ADAMTS12: variants seen among roughly 807,000 people sequenced by gnomAD.
The protein encoded by ADAMTS12 is A disintegrin and metalloproteinase with thrombospondin motifs 12.
In ADAMTS12, 118 loss-of-function variants were observed where a neutral mutation model predicts 167.8. The ratio of observed to expected loss-of-function variants is 0.70; its 90% CI spans 0.61 to 0.82. The LOEUF (loss-of-function observed/expected upper bound fraction) is 0.82. ADAMTS12 is among the 40% of genes least tolerant of loss of function. ADAMTS12 has a pLI of 0.00. For synonymous variants in ADAMTS12, 704 were observed against 716.9 expected (o/e 0.98, Z 0.29); for missense variants, 1,916 against 1,998.8 (o/e 0.96, Z 0.79).
In ADAMTS12 at chr5:33,561,022, G is replaced by A; in HGVS notation, c.4125+5C>T. The A allele has an allele frequency of 6.2e-7, 1 of 1,613,834 alleles. No homozygotes were observed. The highest frequency in any genetic ancestry group is 8.5e-7 in the Non-Finnish European group (1 of 1,179,938). On this transcript the variant is annotated splice_donor_5th_base_variant and intron_variant, in intron 20 of 23. Transcript: ENST00000504830. ...TCCAAGACTCTGCCAAGCCTGATAA[G>A]TTACCTTGCTCCAGTTTCCCACTTT...
intron 2 of ADAMTS12, among the ~76,000 whole-genome samples, chr5:33,770,880 T>C (rs1014940976): frequency 7.2e-5 from 11 of 152,030 alleles, no homozygotes; most frequent in African/African-American, 2.4e-4. Context: ...TATTTTTTCT[T>C]TTTAAATCTT....
chr5:33,608,098 C>T (rs1738535007), intron 16 of ADAMTS12, among the ~76,000 whole-genome samples: 1 of 152,182 alleles, frequency 6.6e-6, no homozygotes, highest in South Asian at 2.1e-4. Flanking sequence ...GGCATGGAAG[C>T]TCTATCACCT....
chr5:33,851,132 G>A (rs1749206109), intron 2 of ADAMTS12, among the ~76,000 whole-genome samples: 2 of 152,160 alleles, frequency 1.3e-5, no homozygotes, highest in African/African-American at 4.8e-5. Flanking sequence ...ATAAAAGGAG[G>A]CCAGACACAG....
rs189504072 is a variant in ADAMTS12, at chr5:33,709,345, A to C, written c.635-25290T>G. Among the ~76,000 whole-genome samples the C allele has an allele frequency of 2.4e-3, 360 of 152,358 alleles. 1 individual carries two copies. The highest frequency in any genetic ancestry group is 8.3e-3 in the African/African-American group (344 of 41,582). ...AAATACCATTTGACTGAGCAATCTC[A>C]TTACTGGGTATACACCCAAAGGAAT... On this transcript the variant is annotated intron_variant, in intron 3 of 23. Transcript: ENST00000504830.
chr5:33,631,561 C>G (rs1486355402), intron 12 of ADAMTS12, among the ~76,000 whole-genome samples: 1 of 152,150 alleles, frequency 6.6e-6, no homozygotes, highest in Non-Finnish European at 1.5e-5. Context: ...TTCTAAGGTT[C>G]AGTTTTCTAC....
At chr5:33,633,119 G>A (rs551156526) in intron 12 of ADAMTS12, among the ~76,000 whole-genome samples, 2 of 150,084 alleles carry the variant, frequency 1.3e-5, no homozygotes, top group South Asian at 4.3e-4. Flanking sequence ...AAATGCAGTG[G>A]GATAATAGGA....
chr5:33,776,192 T>C (rs2112433438), intron 2 of ADAMTS12, among the ~76,000 whole-genome samples: 1 of 152,254 alleles, frequency 6.6e-6, no homozygotes, highest in East Asian at 1.9e-4. Context: ...AAGGTAACAT[T>C]GAAATTGAAC....
At chr5:33,639,816 C>G (rs1291613269) in intron 11 of ADAMTS12, among the ~76,000 whole-genome samples, 1 of 152,160 alleles carries the variant, frequency 6.6e-6, no homozygotes, top group Non-Finnish European at 1.5e-5. Context: ...CTTGAATGCC[C>G]ATGAGATTTT....
intron 14 of ADAMTS12, among the ~76,000 whole-genome samples, chr5:33,623,254 T>C (rs563509836): frequency 6.6e-6 from 1 of 152,238 alleles, no homozygotes; most frequent in South Asian, 2.1e-4. Flanking sequence ...ACTGCCCCTC[T>C]CCCCTCAGGC....
At chr5:33,835,306 A>C (rs888290185) in intron 2 of ADAMTS12, among the ~76,000 whole-genome samples, 1 of 152,184 alleles carries the variant, frequency 6.6e-6, no homozygotes, top group Non-Finnish European at 1.5e-5. Context: ...AAAGAACAAG[A>C]CCAAATTAGC....
chr5:33,875,648 C>T (rs999135067), intron 2 of ADAMTS12, among the ~76,000 whole-genome samples: 9 of 152,106 alleles, frequency 5.9e-5, no homozygotes, highest in Admixed American at 2.0e-4. Flanking sequence ...AGAAAACTTC[C>T]GTGACTTGAT....
rs1747480008 is a variant in ADAMTS12, at chr5:33,588,638, G to C, written c.2826C>G (p.Ile942Met). Reference protein sequence around the residue: ...PKTLLSCNRDILCPSDWTVGN... With the variant: ...PKTLLSCNRDMLCPSDWTVGN... ...CCACTGTCCAGTCCGAGGGGCACAGGATGTCTCTGTTGCAGGAAAGGAGGG... is the reference window on the plus strand; with the variant it reads ...CCACTGTCCAGTCCGAGGGGCACAGCATGTCTCTGTTGCAGGAAAGGAGGG... The change falls in exon 18 of 24, where the codon ATC (isoleucine) becomes ATG (methionine). Residue 942 changes from isoleucine to methionine, a missense_variant. Transcript: ENST00000504830. The C allele has an allele frequency of 6.2e-7, 1 of 1,614,172 alleles. No homozygotes were observed. Among genetic ancestry groups the C allele is most frequent in the Non-Finnish European group, 8.5e-7 (1 of 1,180,042 alleles).
chr5:33,619,367 A>G (rs1739193478), intron 14 of ADAMTS12, among the ~76,000 whole-genome samples: 1 of 152,172 alleles, frequency 6.6e-6, no homozygotes, highest in Admixed American at 6.5e-5. Flanking sequence ...GTATTCGTTT[A>G]TCTTCTTTAC....
chr5:33,526,963 C>T lies in ADAMTS12; in HGVS notation c.*225G>A. ...CCGATACCAGGTGCTGCCTGATTCTCCTAGCTATTTCACCTTCCTATCAGG... is the reference window on the plus strand; with the variant it reads ...CCGATACCAGGTGCTGCCTGATTCTTCTAGCTATTTCACCTTCCTATCAGG... On this transcript the variant is annotated 3_prime_UTR_variant, in exon 24 of 24. Coordinates refer to ENST00000504830, the MANE Select transcript of ADAMTS12 (RefSeq NM_030955.4). 1 of 534,986 alleles carries T rather than the reference C, an allele frequency of 1.9e-6. No homozygotes were observed. 33.1% of individuals were successfully genotyped at this position (534,986 alleles called of 1,614,324 possible). A position where few individuals can be genotyped will look rare whatever the true frequency, so the allele number is the denominator to read the frequency against.
intron 15 of ADAMTS12, 39 bp downstream of exon 15, chr5:33,615,789 T>C: frequency 1.2e-6 from 2 of 1,611,640 alleles, no homozygotes; most frequent in Non-Finnish European, 1.7e-6. Context: ...GTATTCTAAC[T>C]AGCACACATG....
intron 22 of ADAMTS12, among the ~76,000 whole-genome samples, chr5:33,538,642 A>C (rs1271016239): frequency 6.6e-6 from 1 of 152,142 alleles, no homozygotes; most frequent in Non-Finnish European, 1.5e-5. Context: ...CCCTTCCCGG[A>C]TAAACTGCCA....
chr5:33,687,219 A>T lies in ADAMTS12; in HGVS notation c.635-3164T>A, dbSNP rs79799162. ...GAGAGATGAGGTCTGCTAAAGGCATATATCTATTTGAAATTTTTCAACAAA... is the reference window on the plus strand; with the variant it reads ...GAGAGATGAGGTCTGCTAAAGGCATTTATCTATTTGAAATTTTTCAACAAA... On this transcript the variant is annotated intron_variant, in intron 3 of 23. Coordinates refer to ENST00000504830, the MANE Select transcript of ADAMTS12 (RefSeq NM_030955.4). Among the ~76,000 whole-genome samples, 78 of 152,194 alleles carry T rather than the reference A, an allele frequency of 5.1e-4. No individual in the cohort carries two copies. The East Asian group carries it at 0.012, about 23-fold the overall frequency.
intron 2 of ADAMTS12, among the ~76,000 whole-genome samples, chr5:33,846,299 T>C (rs980672174): frequency 6.6e-6 from 1 of 152,210 alleles, no homozygotes; most frequent in Admixed American, 6.5e-5. Flanking sequence ...GTCCCATATG[T>C]TTGATTAACT....
chr5:33,641,716 G>T, intron 11 of ADAMTS12, 94 bp downstream of exon 11: 2 of 1,269,476 alleles, frequency 1.6e-6, no homozygotes, highest in Non-Finnish European at 2.1e-6. Flanking sequence ...CCTGGAGGAG[G>T]CTTGGGGTCA....
Sources: gnomAD v4.1 joint callset for allele counts (sites outside exome capture counted in the v4.1 genomes callset) on GRCh38, gnomAD v4.1.1 for gene constraint, MANE v1.5 for transcripts, NCBI Gene and HGNC (gene_info 2026-07-23, HGNC 2026-07-21) for gene names.